The following ARNT variants were observed in gnomAD, a reference collection of about 807,000 sequenced individuals.
The protein encoded by ARNT is class E basic helix-loop-helix protein 2.
ARNT carries 30 observed loss-of-function variants against 105.0 expected under a neutral mutation model. That is an observed-to-expected ratio of 0.29 (90% CI 0.21 to 0.39). ARNT has a LOEUF of 0.39. Ranked by LOEUF, ARNT falls within the 10% of genes least tolerant of loss-of-function variation. The pLI is 1.00. For synonymous variants in ARNT, 304 were observed against 344.0 expected (o/e 0.88, Z 1.29); for missense variants, 748 against 978.7 (o/e 0.76, Z 3.15).
chr1:150,841,034 C>T (rs975175821), intron 5 of ARNT, among the ~76,000 whole-genome samples: 74 of 149,712 alleles, frequency 4.9e-4, no homozygotes, highest in Admixed American at 3.9e-3. Flanking sequence ...CTGCAACCTC[C>T]GCCTTCTGGG....
intron 1 of ARNT, among the ~76,000 whole-genome samples, chr1:150,873,186 G>A (rs1289408881): frequency 6.6e-6 from 1 of 151,846 alleles, no homozygotes; most frequent in Non-Finnish European, 1.5e-5. Context: ...CTACTCGGGA[G>A]GCTGAGGCAG....
In ARNT at chr1:150,814,096, G is replaced by A; in HGVS notation, c.2094C>T (p.Thr698=). The A allele has an allele frequency of 1.9e-6, 3 of 1,614,126 alleles. No individual in the cohort carries two copies. The Admixed American group carries it at 5.0e-5, about 27-fold the overall frequency. ...ACTCACCAAAGTTAGATCCACGATT[G>A]GTGAGACTAGGGTAGGCAGCAGCAC... The part of the protein sequence containing the change: ...SPGAAAYPSL[T]NRGSNFAPET... Residue 698 remains threonine (T), a synonymous_variant, in exon 20 of 22, where the codon ACC becomes ACT. Transcript: ENST00000358595.
At position 150,817,421 on chromosome 1, in the gene ARNT, C is replaced by T. The variant is rs747277179; in HGVS notation, c.1518G>A (p.Gln506=). 3 of 1,614,102 alleles carry T rather than the reference C, an allele frequency of 1.9e-6. No homozygotes were observed. Among genetic ancestry groups the T allele is most frequent in the Non-Finnish European group, 2.5e-6 (3 of 1,180,020 alleles). ...SGQLAPRQQQ[Q]QTELDMVPGR... ...CTGGTACCATGTCCAATTCTGTTTGCTGTTGCTGCTGCCTATATGTCAAAG... is the reference window on the plus strand; with the variant it reads ...CTGGTACCATGTCCAATTCTGTTTGTTGTTGCTGCTGCCTATATGTCAAAG... Residue 506 remains glutamine, a synonymous_variant, in exon 16 of 22, where the codon CAG becomes CAA. Transcript: ENST00000358595.
chr1:150,813,387 A>G, intron 20 of ARNT, 49 bp from the exon 21 acceptor site: 1 of 1,534,578 alleles, frequency 6.5e-7, no homozygotes, highest in Non-Finnish European at 8.8e-7. Context: ...ACACAATTCC[A>G]TTGTGTACTA....
chr1:150,821,376 C>A (rs1299782932), intron 14 of ARNT, among the ~76,000 whole-genome samples: 1 of 152,108 alleles, frequency 6.6e-6, no homozygotes, highest in Non-Finnish European at 1.5e-5. Context: ...GAAAAATATG[C>A]AAGAACCATG....
At chr1:150,853,054 G>T in intron 2 of ARNT, 1 of 468,246 alleles carries the variant, frequency 2.1e-6, no homozygotes, top group South Asian at 2.2e-5. Context: ...GCTGAGGTGG[G>T]TGGATCACCT....
chr1:150,834,111 G>GT (rs1056714273), intron 8 of ARNT, among the ~76,000 whole-genome samples: 44 of 150,236 alleles, frequency 2.9e-4, no homozygotes, highest in Admixed American at 6.7e-4. Context: ...TTTTGTTGTT[G>GT]TTTTTTTTTA....
chr1:150,842,398 C>G lies in ARNT; in HGVS notation c.272+26G>C, dbSNP rs146550901. On this transcript the variant is annotated intron_variant, in intron 5 of 21. Coordinates refer to ENST00000358595, the MANE Select transcript of ARNT (RefSeq NM_001668.4). The stretch of plus-strand genomic sequence containing the variant: ...GAAAAAGCAGCATCATCTGCTTCAT[C>G]ATGCTAAAAGACACTGTTCTCCTAC... 4.7e-4 allele frequency: 758 copies of G among 1,604,848 alleles called. 5 individuals are homozygous for G. The Middle Eastern group carries it at 6.8e-3, about 14-fold the overall frequency.
intron 15 of ARNT, 130 bp from the exon 16 acceptor site, chr1:150,817,563 T>TG: frequency 2.4e-6 from 2 of 837,536 alleles, no homozygotes; most frequent in Non-Finnish European, 3.7e-6. Context: ...ATCCCAACAC[T>TG]TTGGGAGGCC....
intron 1 of ARNT, among the ~76,000 whole-genome samples, chr1:150,866,597 C>T (rs1666626180): frequency 6.6e-6 from 1 of 151,998 alleles, no homozygotes; most frequent in Non-Finnish European, 1.5e-5. Context: ...TTTTTTGTAA[C>T]AAACATTTTA....
intron 14 of ARNT, 121 bp downstream of exon 14, chr1:150,823,073 C>G: frequency 9.7e-7 from 1 of 1,026,734 alleles, no homozygotes; most frequent in Non-Finnish European, 1.3e-6. Flanking sequence ...CATGCCACCA[C>G]GCCCGGCTAA....
At chr1:150,835,791 T>C (rs587731340) in intron 7 of ARNT, among the ~76,000 whole-genome samples, 3 of 149,754 alleles carry the variant, frequency 2.0e-5, no homozygotes, top group Non-Finnish European at 3.0e-5. Flanking sequence ...CATAATAAAA[T>C]AGGGGAGAAA....
intron 1 of ARNT, among the ~76,000 whole-genome samples, chr1:150,858,760 T>G (rs1407431977): frequency 6.6e-6 from 1 of 151,786 alleles, no homozygotes; most frequent in Non-Finnish European, 1.5e-5. Context: ...TAGCTAGGAC[T>G]ATAGGCCCGC....
chr1:150,847,776 T>C (rs1364243559), intron 3 of ARNT, among the ~76,000 whole-genome samples: 16 of 152,194 alleles, frequency 1.1e-4, no homozygotes, highest in Admixed American at 1.0e-3. Flanking sequence ...CTCCAGAAAT[T>C]GAAATCTCTT....
intron 2 of ARNT, among the ~76,000 whole-genome samples, chr1:150,855,807 T>G: frequency 6.7e-6 from 1 of 148,592 alleles, no homozygotes; most frequent in Non-Finnish European, 1.5e-5. Context: ...AGAACTGAAG[T>G]AGGAGGATTG....
intron 5 of ARNT, among the ~76,000 whole-genome samples, chr1:150,841,705 TCTAGAGTCTC>T (rs1381257914): frequency 6.6e-6 from 1 of 152,200 alleles, no homozygotes; most frequent in Non-Finnish European, 1.5e-5. Context: ...CCAAGAGAAT[TCTAGAGTCTC>T]CTTTCTAAAT....
chr1:150,811,479 T>TACACACAC lies in ARNT; in HGVS notation c.*534_*541dup. 1 of 131,694 alleles carries TACACACAC rather than the reference T, an allele frequency of 7.6e-6. No individual in the cohort carries two copies. The highest frequency in any genetic ancestry group is 1.4e-5 in the Non-Finnish European group (1 of 69,146). The allele number at this position is 131,694 out of a possible 1,614,324, so 8.2% of individuals were successfully genotyped here. On this transcript the variant is annotated 3_prime_UTR_variant, in exon 22 of 22. Transcript: ENST00000358595. ...GTGCGCACACACACACACACACACA[T>TACACACAC]ACACACACACTCTCTCTCACTTACT...
chr1:150,817,262 T>C, intron 16 of ARNT, 60 bp from the exon 17 acceptor site: 1 of 1,612,100 alleles, frequency 6.2e-7, no homozygotes, highest in South Asian at 1.1e-5. Flanking sequence ...TCAATAACCC[T>C]AAAATTCATA....
At chr1:150,865,176 T>C (rs1666351916) in intron 1 of ARNT, among the ~76,000 whole-genome samples, 1 of 152,172 alleles carries the variant, frequency 6.6e-6, no homozygotes, top group South Asian at 2.1e-4. Flanking sequence ...TTTTAAACTA[T>C]GCAACTTCTG....
Sources: gnomAD v4.1 joint callset for allele counts (sites outside exome capture counted in the v4.1 genomes callset) on GRCh38, gnomAD v4.1.1 for gene constraint, MANE v1.5 for transcripts, NCBI Gene and HGNC (gene_info 2026-07-23, HGNC 2026-07-21) for gene names.